The following AP3S1 variants were observed in gnomAD, a reference collection of about 807,000 sequenced individuals.
The protein encoded by AP3S1 is AP-3 complex subunit sigma-1.
AP3S1 carries 12 observed loss-of-function variants against 21.3 expected under a neutral mutation model. That is an observed-to-expected ratio of 0.56 (90% CI 0.36 to 0.91). The LOEUF is 0.91. Among genes scored for constraint, AP3S1 ranks in the 40% least tolerant of loss-of-function variants. The pLI is 0.01. For missense variants in AP3S1, 116 were observed against 225.0 expected (o/e 0.52, Z 3.10); for synonymous variants, 48 against 78.4 (o/e 0.61, Z 2.05).
intron 3 of AP3S1, among the ~76,000 whole-genome samples, chr5:115,876,188 A>G (rs763097965): frequency 2.0e-5 from 3 of 152,148 alleles, no homozygotes; most frequent in Non-Finnish European, 4.4e-5. Context: ...GCTGATATTC[A>G]TACTTATCTC....
intron 3 of AP3S1, among the ~76,000 whole-genome samples, chr5:115,883,749 A>G (rs1163524990): frequency 2.6e-5 from 4 of 152,202 alleles, no homozygotes; most frequent in African/African-American, 9.6e-5. Context: ...AGAAGAATGT[A>G]TTTTTAGGCG....
intron 3 of AP3S1, among the ~76,000 whole-genome samples, chr5:115,875,740 G>A (rs1748658265): frequency 6.6e-6 from 1 of 152,086 alleles, no homozygotes; most frequent in East Asian, 1.9e-4. Context: ...ACATTATACT[G>A]TATTACCAGG....
intron 3 of AP3S1, among the ~76,000 whole-genome samples, chr5:115,892,685 G>A (rs1750417289): frequency 6.6e-6 from 1 of 152,170 alleles, no homozygotes; most frequent in South Asian, 2.1e-4. Flanking sequence ...GGAGAAAGGT[G>A]AAGATGGTTG....
chr5:115,868,273 G>T (rs1290631783), intron 2 of AP3S1, among the ~76,000 whole-genome samples: 1 of 152,122 alleles, frequency 6.6e-6, no homozygotes, highest in East Asian at 1.9e-4. Context: ...TCCTTTTAAA[G>T]TAAAGCAAAA....
chr5:115,860,538 T>G (rs1763098494), intron 1 of AP3S1, among the ~76,000 whole-genome samples: 1 of 152,208 alleles, frequency 6.6e-6, no homozygotes, highest in Non-Finnish European at 1.5e-5. Flanking sequence ...TCCATCCTTA[T>G]TTTACAGTAC....
At chr5:115,871,762 G>T (rs556014827) in intron 3 of AP3S1, among the ~76,000 whole-genome samples, 3 of 151,784 alleles carry the variant, frequency 2.0e-5, no homozygotes, top group African/African-American at 7.3e-5. Context: ...TTTATGCTAC[G>T]CAAGAATCAT....
At chr5:115,894,774 C>T (rs531079016) in intron 3 of AP3S1, among the ~76,000 whole-genome samples, 2 of 152,320 alleles carry the variant, frequency 1.3e-5, no homozygotes, top group East Asian at 3.9e-4. Flanking sequence ...TTCCCCCTCA[C>T]ATTAAAATAA....
chr5:115,906,964 T>A (rs1751701847), intron 5 of AP3S1: 1 of 1,370,550 alleles, frequency 7.3e-7, no homozygotes. Flanking sequence ...TTTGTGTTAA[T>A]AAACCCATAT....
chr5:115,913,218 A>G (rs2112605913), intron 5 of AP3S1, 144 bp from the exon 6 acceptor site: 4 of 690,950 alleles, frequency 5.8e-6, no homozygotes, highest in Non-Finnish European at 8.6e-6. Flanking sequence ...CAAAGTAACC[A>G]TTCCATACCA....
At chr5:115,872,414 A>G (rs527591366) in intron 3 of AP3S1, among the ~76,000 whole-genome samples, 64 of 152,330 alleles carry the variant, frequency 4.2e-4, no homozygotes, top group South Asian at 2.9e-3. Context: ...CTGGGTATCA[A>G]AGTTACATGA....
In AP3S1 at chr5:115,846,555, GTT is replaced by G. The variant is rs760506831; in HGVS notation, c.69+4465_69+4466del. Among the ~76,000 whole-genome samples the G allele has an allele frequency of 3.8e-3, 480 of 127,996 alleles. 1 individual carries two copies. The highest frequency in any genetic ancestry group is 5.9e-3 in the South Asian group (24 of 4,088). 84.0% of individuals were successfully genotyped at this position (127,996 alleles called of 152,430 possible). A position where few individuals can be genotyped will look rare whatever the true frequency, so the allele number is the denominator to read the frequency against. On this transcript the variant is annotated intron_variant, in intron 1 of 5. Transcript: ENST00000316788. ...AGGAACTCTAAGATTCTTCTTTCTC[GTT>G]TTTTTTTTTTTTTTTAAATCTTAAC...
At chr5:115,867,737 A>G (rs1355286093) in intron 2 of AP3S1, among the ~76,000 whole-genome samples, 3 of 152,136 alleles carry the variant, frequency 2.0e-5, no homozygotes, top group Non-Finnish European at 4.4e-5. Flanking sequence ...GTACTTATTT[A>G]ATTTTAGTTG....
intron 3 of AP3S1, among the ~76,000 whole-genome samples, chr5:115,870,903 T>C (rs941683468): frequency 6.6e-6 from 1 of 152,206 alleles, no homozygotes; most frequent in African/African-American, 2.4e-5. Flanking sequence ...AGGACCTTAT[T>C]ACTAATAGCA....
chr5:115,907,559 A>T (rs573432074), intron 5 of AP3S1, among the ~76,000 whole-genome samples: 3 of 152,318 alleles, frequency 2.0e-5, no homozygotes, highest in Admixed American at 1.3e-4. Flanking sequence ...GAAAAATGGA[A>T]TTACCAAATT....
intron 1 of AP3S1, among the ~76,000 whole-genome samples, chr5:115,862,152 A>G (rs536128989): frequency 6.6e-6 from 1 of 152,070 alleles, no homozygotes; most frequent in East Asian, 1.9e-4. Context: ...GCTTTTATGA[A>G]CATTCTTCTG....
At chr5:115,854,817 A>G (rs1383289913) in intron 1 of AP3S1, among the ~76,000 whole-genome samples, 3 of 151,414 alleles carry the variant, frequency 2.0e-5, no homozygotes, top group Non-Finnish European at 2.9e-5. Flanking sequence ...AATTCTACCT[A>G]TTCTTTAATG....
At chr5:115,881,760 G>A (rs1749315196) in intron 3 of AP3S1, among the ~76,000 whole-genome samples, 1 of 152,026 alleles carries the variant, frequency 6.6e-6, no homozygotes, top group Non-Finnish European at 1.5e-5. Context: ...TGCTAGGTTG[G>A]GGAATTCCTC....
intron 3 of AP3S1, among the ~76,000 whole-genome samples, chr5:115,873,145 C>T (rs892717687): frequency 6.6e-6 from 1 of 152,120 alleles, no homozygotes; most frequent in Admixed American, 6.6e-5. Flanking sequence ...AAGTCATCAC[C>T]ATTGATTATT....
At chr5:115,879,073 C>T (rs542999000) in intron 3 of AP3S1, among the ~76,000 whole-genome samples, 1 of 152,294 alleles carries the variant, frequency 6.6e-6, no homozygotes, top group African/African-American at 2.4e-5. Context: ...GCTGAAGTTA[C>T]TTATCAGCTT....
Sources: gnomAD v4.1 joint callset for allele counts (sites outside exome capture counted in the v4.1 genomes callset) on GRCh38, gnomAD v4.1.1 for gene constraint, MANE v1.5 for transcripts, NCBI Gene and HGNC (gene_info 2026-07-23, HGNC 2026-07-21) for gene names.